The following HMGN5 variants were observed in gnomAD, a reference collection of about 807,000 sequenced individuals.
HMGN5 encodes the protein high mobility group nucleosome-binding domain-containing protein 5.
Under a neutral mutation model 9.5 loss-of-function variants are expected in HMGN5, and 4 were observed. The observed-to-expected ratio is 0.42, with a 90% CI of 0.21 to 0.96. HMGN5 has a LOEUF of 0.96. HMGN5 is among the 40% of genes least tolerant of loss of function. The probability of loss-of-function intolerance (pLI) is 0.30; values close to 1 mark genes in which losing one functional copy is unlikely to be tolerated. For synonymous variants in HMGN5, 55 were observed against 57.1 expected (o/e 0.96, Z 0.16); for missense variants, 192 against 187.5 (o/e 1.02, Z -0.14).
chrX:81,128,271 T>C (rs1285859897), intron 1 of HMGN5, among the ~76,000 whole-genome samples: 1 of 111,343 alleles, frequency 9.0e-6, no homozygotes, highest in Admixed American at 9.6e-5. Context: ...TTGAAATGAG[T>C]AACAATTCAA....
intron 1 of HMGN5, among the ~76,000 whole-genome samples, chrX:81,188,263 ATATTATTAT>A (rs558790724): frequency 0.032 from 2,757 of 86,920 alleles, 92 homozygotes; most frequent in African/African-American, 0.089. Flanking sequence ...TGTGCACAGA[ATATTATTAT>A]TATTATTATT....
At chrX:81,143,913 C>G (rs752885634) in intron 1 of HMGN5, among the ~76,000 whole-genome samples, 21 of 112,264 alleles carry the variant, frequency 1.9e-4, no homozygotes, top group African/African-American at 5.2e-4. Context: ...CCCACCACAG[C>G]TCAGCAAGGC....
At chrX:81,155,225 G>T (rs1361364093) in intron 1 of HMGN5, among the ~76,000 whole-genome samples, 1 of 101,996 alleles carries the variant, frequency 9.8e-6, no homozygotes, top group Non-Finnish European at 2.0e-5. Flanking sequence ...TATGTAATTA[G>T]AGAGTGGCTG....
chrX:81,146,731 C>T (rs1013163061), intron 1 of HMGN5, among the ~76,000 whole-genome samples: 1 of 111,210 alleles, frequency 9.0e-6, no homozygotes, highest in African/African-American at 3.3e-5. Flanking sequence ...AAAAGATCAA[C>T]AAAATAGATA....
At chrX:81,161,122 T>C (rs1328691915) in intron 1 of HMGN5, among the ~76,000 whole-genome samples, 1 of 110,694 alleles carries the variant, frequency 9.0e-6, no homozygotes, top group African/African-American at 3.3e-5. Context: ...GAACTTGAAT[T>C]GCCCCAAGAA....
chrX:81,114,566 ATTT>A lies in HMGN5; in HGVS notation c.*80_*82del, dbSNP rs1316562026. The A allele has an allele frequency of 1.1e-6, 1 of 901,989 alleles. No homozygotes were observed. Among genetic ancestry groups the A allele is most frequent in the African/African-American group, 2.1e-5 (1 of 48,592 alleles). The allele number at this position is 901,989 out of a possible 1,213,427, so 74.3% of individuals were successfully genotyped here. On this transcript the variant is annotated 3_prime_UTR_variant, in exon 7 of 7. Coordinates refer to ENST00000358130, the MANE Select transcript of HMGN5 (RefSeq NM_030763.3). ...GCTAAAGAAAGGCTGTGTTTATAAAATTTTTGATAAAAATATTTATCTCTATTA... is the reference window on the plus strand; with the variant it reads ...GCTAAAGAAAGGCTGTGTTTATAAAATTGATAAAAATATTTATCTCTATTA...
intron 1 of HMGN5, among the ~76,000 whole-genome samples, chrX:81,200,956 T>C (rs1437681182): frequency 8.9e-6 from 1 of 111,753 alleles, no homozygotes; most frequent in Non-Finnish European, 1.9e-5. Flanking sequence ...AGTTTCTTCA[T>C]CTGTAAAATT....
intron 1 of HMGN5, among the ~76,000 whole-genome samples, chrX:81,199,559 C>T (rs2075519234): frequency 9.0e-6 from 1 of 111,594 alleles, no homozygotes; most frequent in African/African-American, 3.3e-5. Flanking sequence ...GAACAGAGGT[C>T]TCAGAAATAA....
In HMGN5 at chrX:81,116,135, T is replaced by C. The variant is rs771039019; in HGVS notation, c.267+69A>G. ...TCCAACTTATAAACTAAAAGGCAAA[T>C]AGGATTTCTTTCAGTTGTACCCATT... On this transcript the variant is annotated intron_variant, in intron 6 of 6. Coordinates refer to ENST00000358130, the MANE Select transcript of HMGN5 (RefSeq NM_030763.3). The C allele has an allele frequency of 6.1e-5, 51 of 833,155 alleles. No individual in the cohort carries two copies. The South Asian group carries it at 1.3e-3, about 20-fold the overall frequency. The allele number at this position is 833,155 out of a possible 1,213,427, so 68.7% of individuals were successfully genotyped here.
At chrX:81,191,097 C>T (rs184465977) in intron 1 of HMGN5, among the ~76,000 whole-genome samples, 211 of 111,572 alleles carry the variant, frequency 1.9e-3, no homozygotes, top group African/African-American at 4.7e-3. Flanking sequence ...CTAATATGTT[C>T]AAATACCATT....
intron 1 of HMGN5, among the ~76,000 whole-genome samples, chrX:81,147,791 A>T (rs2075349401): frequency 8.9e-6 from 1 of 112,204 alleles, no homozygotes; most frequent in African/African-American, 3.2e-5. Flanking sequence ...AAGTCTCAGG[A>T]TACAAAATCG....
At chrX:81,129,715 T>C (rs1174142670) in intron 1 of HMGN5, among the ~76,000 whole-genome samples, 1 of 111,345 alleles carries the variant, frequency 9.0e-6, no homozygotes, top group Non-Finnish European at 1.9e-5. Context: ...CAGGAGTGAG[T>C]GGGGGATACA....
At chrX:81,163,877 A>G (rs775323080) in intron 1 of HMGN5, among the ~76,000 whole-genome samples, 1 of 111,579 alleles carries the variant, frequency 9.0e-6, no homozygotes, top group South Asian at 3.8e-4. Context: ...TCCTCCTGAG[A>G]TCTGAGACAG....
intron 2 of HMGN5, 149 bp downstream of exon 2, chrX:81,121,386 T>C (rs2075267965): frequency 5.5e-6 from 3 of 549,814 alleles, no homozygotes; most frequent in Non-Finnish European, 3.2e-6. Context: ...GACTGCTCTT[T>C]GCCCTTCTAC....
chrX:81,200,194 G>A (rs2075521619), intron 1 of HMGN5, among the ~76,000 whole-genome samples: 1 of 111,895 alleles, frequency 8.9e-6, no homozygotes, highest in Admixed American at 9.5e-5. Flanking sequence ...ATGCTAGTTA[G>A]AATGGCAATC....
At position 81,168,785 on chromosome X, in the gene HMGN5, A is replaced by G. The variant is rs888516821; in HGVS notation, c.-124+32952T>C. ...TACAGCGGGTCTACAAGTAGGATTT[A>G]TTAACTATAAATTAATTGGGGAGAA... On this transcript the variant is annotated intron_variant, in intron 1 of 6. Transcript: ENST00000358130. 6.2e-5 allele frequency among the ~76,000 whole-genome samples: 7 copies of G among 112,036 alleles called. No individual in the cohort carries two copies. The Admixed American group carries it at 6.7e-4, about 11-fold the overall frequency.
intron 5 of HMGN5, 101 bp from the exon 6 acceptor site, chrX:81,116,442 A>G (rs181896656): frequency 5.7e-6 from 3 of 529,396 alleles, no homozygotes; most frequent in Admixed American, 8.5e-5. Flanking sequence ...TAATTTATGC[A>G]AACTCTTTAA....
At chrX:81,127,329 T>C (rs1420481010) in intron 1 of HMGN5, among the ~76,000 whole-genome samples, 5 of 111,495 alleles carry the variant, frequency 4.5e-5, no homozygotes, top group African/African-American at 1.6e-4. Context: ...CAAGAATAGA[T>C]CAGTTTTCGG....
At chrX:81,129,379 G>A (rs149221519) in intron 1 of HMGN5, among the ~76,000 whole-genome samples, 72 of 111,185 alleles carry the variant, frequency 6.5e-4, no homozygotes, top group Middle Eastern at 4.7e-3. Context: ...CTTTAATTAC[G>A]AGTGAAGCTG....
Sources: allele counts gnomAD v4.1 joint callset (sites outside exome capture counted in the v4.1 genomes callset), GRCh38; gene constraint gnomAD v4.1.1; transcripts MANE v1.5; gene names NCBI Gene and HGNC (gene_info 2026-07-23, HGNC 2026-07-21).